DRC8: variants seen among roughly 807,000 people sequenced by gnomAD.
DRC8 encodes dynein regulatory complex protein 8.
chr1:245,034,739 A>T, the DRC8 span, among the ~76,000 whole-genome samples: 1 of 151,966 alleles, frequency 6.6e-6, no homozygotes, highest in Non-Finnish European at 1.5e-5. Flanking sequence ...AGAACATCCA[A>T]CTCAAAAAAG....
chr1:245,098,846 G>A, the DRC8 span, among the ~76,000 whole-genome samples: 11 of 152,200 alleles, frequency 7.2e-5, no homozygotes, highest in East Asian at 1.9e-4. Flanking sequence ...AGAACTGAAC[G>A]GAGTTCGATC....
At chr1:245,070,624 T>A in the DRC8 span, among the ~76,000 whole-genome samples, 1 of 152,246 alleles carries the variant, frequency 6.6e-6, no homozygotes, top group African/African-American at 2.4e-5. Context: ...TTTATAGTCA[T>A]CCTTTCCCTG....
chr1:245,021,779 CCT>C, the DRC8 span, among the ~76,000 whole-genome samples: 3,693 of 152,092 alleles, frequency 0.024, 60 homozygotes, highest in African/African-American at 0.057. Flanking sequence ...TTGTTTTGCC[CCT>C]GTTTAATCTG....
the DRC8 span, among the ~76,000 whole-genome samples, chr1:245,109,095 T>G: frequency 2.6e-5 from 4 of 152,188 alleles, no homozygotes; most frequent in African/African-American, 9.7e-5. Flanking sequence ...TAACTGGAGC[T>G]GAATCTTGCT....
the DRC8 span, chr1:244,969,693 C>G: frequency 5.7e-6 from 1 of 175,950 alleles, no homozygotes; most frequent in South Asian, 1.5e-4. Flanking sequence ...TTCCTCTCCT[C>G]TAGCAATAGT....
At chr1:244,986,399 A>C in the DRC8 span, among the ~76,000 whole-genome samples, 1 of 152,228 alleles carries the variant, frequency 6.6e-6, no homozygotes, top group Non-Finnish European at 1.5e-5. Context: ...ACGAGGCTCC[A>C]TTGTGGCTGG....
the DRC8 span, among the ~76,000 whole-genome samples, chr1:244,978,953 C>T: frequency 2.7e-4 from 41 of 151,922 alleles, no homozygotes; most frequent in African/African-American, 8.7e-4. Flanking sequence ...GGAAGATAGG[C>T]AGCTAAGGAG....
At chr1:245,057,431 C>T in the DRC8 span, among the ~76,000 whole-genome samples, 1 of 152,122 alleles carries the variant, frequency 6.6e-6, no homozygotes, top group Non-Finnish European at 1.5e-5. Flanking sequence ...CAACATGTAA[C>T]CAATATTAAA....
At chr1:245,081,163 A>G in the DRC8 span, among the ~76,000 whole-genome samples, 1 of 147,626 alleles carries the variant, frequency 6.8e-6, no homozygotes, top group African/African-American at 2.5e-5. Flanking sequence ...TTATTTATCT[A>G]TATATATATA....
the DRC8 span, among the ~76,000 whole-genome samples, chr1:244,977,352 A>G: frequency 0.56 from 85,301 of 152,064 alleles, 25,230 homozygotes; most frequent in East Asian, 0.75. Flanking sequence ...GAAATGGTAC[A>G]TTGTTTTTCA....
the DRC8 span, among the ~76,000 whole-genome samples, chr1:245,058,621 A>G: frequency 1.7e-4 from 26 of 152,348 alleles, no homozygotes; most frequent in African/African-American, 6.3e-4. Context: ...TTTAATTTTG[A>G]TAATTTTGAA....
the DRC8 span, chr1:245,030,518 T>G: frequency 6.6e-6 from 1 of 152,222 alleles, no homozygotes; most frequent in Non-Finnish European, 1.5e-5. Context: ...AGCCTCTCAG[T>G]GTACTGGAAG....
At chr1:245,023,401 A>C in the DRC8 span, among the ~76,000 whole-genome samples, 1 of 152,178 alleles carries the variant, frequency 6.6e-6, no homozygotes, top group Non-Finnish European at 1.5e-5. Context: ...CCAGGAGTGG[A>C]ATTGCTGGAT....
chr1:245,068,902 G>A, the DRC8 span, among the ~76,000 whole-genome samples: 4 of 152,188 alleles, frequency 2.6e-5, no homozygotes, highest in African/African-American at 9.6e-5. Flanking sequence ...AAAAGGAAGG[G>A]AATGATCTCT....
chr1:245,006,968 C>A, the DRC8 span, among the ~76,000 whole-genome samples: 118 of 132,838 alleles, frequency 8.9e-4, no homozygotes, highest in African/African-American at 2.7e-3. Flanking sequence ...ACAACAACAA[C>A]AAAAAACCCC....
chr1:244,992,766 A>T, the DRC8 span, among the ~76,000 whole-genome samples: 1 of 152,162 alleles, frequency 6.6e-6, no homozygotes, highest in African/African-American at 2.4e-5. Context: ...AAAACAAAAA[A>T]CAAAAAGAAT....
chr1:245,120,673 C>T, the DRC8 span, among the ~76,000 whole-genome samples: 8 of 152,246 alleles, frequency 5.3e-5, no homozygotes, highest in South Asian at 2.1e-4. Flanking sequence ...CTCTTGTATA[C>T]CCAAGCAGTG....
the DRC8 span, chr1:244,970,638 T>TCCGCCCCGCC: frequency 9.7e-5 from 47 of 486,480 alleles, no homozygotes; most frequent in Middle Eastern, 1.6e-3. Flanking sequence ...GGCCCGCCGC[T>TCCGCCCCGCC]CCGCCCCGCC....
chr1:244,974,938 A>AT, the DRC8 span, among the ~76,000 whole-genome samples: 142 of 145,402 alleles, frequency 9.8e-4, 1 homozygote, highest in African/African-American at 2.4e-3. Context: ...TTTTATTTTT[A>AT]TTTTTTTTTT....
Sources: gnomAD v4.1 joint callset for allele counts (sites outside exome capture counted in the v4.1 genomes callset) on GRCh38, gnomAD v4.1.1 for gene constraint, MANE v1.5 for transcripts, NCBI Gene and HGNC (gene_info 2026-07-23, HGNC 2026-07-21) for gene names.